The following SP3 variants were observed in gnomAD, a reference collection of about 807,000 sequenced individuals.
SP3 encodes transcription factor Sp3.
In SP3, 10 loss-of-function variants were observed where a neutral mutation model predicts 70.3. That is an observed-to-expected ratio of 0.14 (90% confidence interval 0.09 to 0.24). The LOEUF (loss-of-function observed/expected upper bound fraction) is 0.24, where lower values mean the gene tolerates loss of function less well. Among genes scored for constraint, SP3 ranks in the 10% least tolerant of loss-of-function variants. SP3 has a pLI of 1.00. For synonymous variants in SP3, 402 were observed against 333.5 expected (o/e 1.21, Z -2.24); for missense variants, 825 against 914.6 (o/e 0.90, Z 1.26).
intron 4 of SP3, among the ~76,000 whole-genome samples, chr2:173,949,358 T>A (rs73028270): frequency 0.034 from 4,884 of 143,316 alleles, 135 homozygotes; most frequent in Admixed American, 0.11. Flanking sequence ...TATTTTACCC[T>A]CAAAAAGGAA....
At chr2:173,956,441 T>C (rs1253296841) in intron 3 of SP3, among the ~76,000 whole-genome samples, 1 of 152,158 alleles carries the variant, frequency 6.6e-6, no homozygotes, top group Non-Finnish European at 1.5e-5. Flanking sequence ...CCTATTTGAG[T>C]GGGATAAAAA....
chr2:173,961,551 C>A (rs544941002), intron 3 of SP3, among the ~76,000 whole-genome samples: 1 of 152,290 alleles, frequency 6.6e-6, no homozygotes, highest in Admixed American at 6.5e-5. Context: ...ATGTTCATGT[C>A]TTAATTTGGA....
At chr2:173,950,499 C>G (rs960779378) in intron 4 of SP3, among the ~76,000 whole-genome samples, 2 of 151,954 alleles carry the variant, frequency 1.3e-5, no homozygotes, top group Admixed American at 1.3e-4. Flanking sequence ...GGCAACATAG[C>G]AAGATGCCAT....
chr2:173,932,454 G>C (rs1002353978), intron 4 of SP3, among the ~76,000 whole-genome samples: 1 of 152,024 alleles, frequency 6.6e-6, no homozygotes, highest in Admixed American at 6.6e-5. Context: ...GCCTCCCAAA[G>C]TGCTGGGATT....
upstream of SP3, chr2:173,965,466 G>C (rs1480809220): frequency 2.7e-6 from 1 of 368,124 alleles, no homozygotes; most frequent in Non-Finnish European, 4.9e-6. Flanking sequence ...CCTGTCCGTC[G>C]GTCTGCCAGG....
chr2:173,932,638 C>T (rs148304315), intron 4 of SP3, among the ~76,000 whole-genome samples: 1 of 152,064 alleles, frequency 6.6e-6, no homozygotes, highest in Non-Finnish European at 1.5e-5. Flanking sequence ...CTGTTGTGCC[C>T]CAAGACAATT....
chr2:173,950,644 G>A (rs573669424), intron 4 of SP3, among the ~76,000 whole-genome samples: 70 of 147,002 alleles, frequency 4.8e-4, no homozygotes, highest in African/African-American at 1.7e-3. Context: ...CTAGAAAACA[G>A]AGACCCTGTC....
chr2:173,923,616 T>C (rs1335483586), intron 4 of SP3, among the ~76,000 whole-genome samples: 1 of 152,138 alleles, frequency 6.6e-6, no homozygotes, highest in Non-Finnish European at 1.5e-5. Flanking sequence ...TAGATAAATA[T>C]GAATTACAGT....
intron 4 of SP3, among the ~76,000 whole-genome samples, chr2:173,941,836 T>C (rs991340639): frequency 2.6e-5 from 4 of 152,236 alleles, no homozygotes; most frequent in Non-Finnish European, 4.4e-5. Flanking sequence ...ATTTTACAAA[T>C]CTGCAGTGTC....
At chr2:173,915,203 T>C (rs578002092) in intron 5 of SP3, 2 of 152,238 alleles carry the variant, frequency 1.3e-5, no homozygotes, top group Non-Finnish European at 2.9e-5. Context: ...ATAAGAAATA[T>C]TATTTGAAAA....
Position 173,955,891 on chromosome 2 carries a change from A to G in SP3, c.621T>C (p.Ile207=). ...INQESSQIQI[I]PGSNQTLLAS... is the part of the protein sequence containing the mutation. ...CAAGTAAGGTTTGATTAGAGCCAGGAATGATCTGAATTTGACTGCTTTCTT... is the reference window on the plus strand; with the variant it reads ...CAAGTAAGGTTTGATTAGAGCCAGGGATGATCTGAATTTGACTGCTTTCTT... Residue 207 remains isoleucine (I), a synonymous_variant, in exon 4 of 7, where the codon ATT becomes ATC. Transcript: ENST00000310015. 1 of 1,614,200 alleles carries G rather than the reference A, an allele frequency of 6.2e-7. No homozygotes were observed. Among genetic ancestry groups the G allele is most frequent in the South Asian group, 1.1e-5 (1 of 91,090 alleles).
At chr2:173,946,121 G>C (rs575592211) in intron 4 of SP3, among the ~76,000 whole-genome samples, 1 of 151,532 alleles carries the variant, frequency 6.6e-6, no homozygotes, top group South Asian at 2.1e-4. Flanking sequence ...AGCAAGATAC[G>C]GTCTCAAAAA....
At position 173,907,062 on chromosome 2, in the gene SP3, T is replaced by G. The variant is rs1012480416; in HGVS notation, c.*2879A>C. On this transcript the variant is annotated 3_prime_UTR_variant, in exon 7 of 7. Coordinates refer to ENST00000310015, the MANE Select transcript of SP3 (RefSeq NM_003111.5). ...CTTTCTGCGGTAGGTGTAGCTCCTT[T>G]AAAAGGTTATGTGCTTTTTGGTTGA... 1 of 152,202 alleles carries G rather than the reference T, an allele frequency of 6.6e-6. No individual in the cohort carries two copies. The highest frequency in any genetic ancestry group is 2.4e-5 in the African/African-American group (1 of 41,456). The allele number at this position is 152,202 out of a possible 1,614,324, so 9.4% of individuals were successfully genotyped here. A position where few individuals can be genotyped will look rare whatever the true frequency, so the allele number is the denominator to read the frequency against.
At chr2:173,961,455 C>A (rs909063258) in intron 3 of SP3, among the ~76,000 whole-genome samples, 2 of 152,150 alleles carry the variant, frequency 1.3e-5, no homozygotes, top group Admixed American at 6.5e-5. Context: ...AATGTGGAAT[C>A]CTGGACTGGA....
At chr2:173,947,956 C>T (rs1181300945) in intron 4 of SP3, among the ~76,000 whole-genome samples, 2 of 152,286 alleles carry the variant, frequency 1.3e-5, no homozygotes, top group East Asian at 3.9e-4. Flanking sequence ...TAAGACTGTG[C>T]TGATGTCCTC....
chr2:173,943,335 G>A (rs970944276), intron 4 of SP3, among the ~76,000 whole-genome samples: 1 of 151,996 alleles, frequency 6.6e-6, no homozygotes, highest in Non-Finnish European at 1.5e-5. Context: ...CCCTCTTCCT[G>A]GAATACTCTT....
chr2:173,946,487 T>C (rs1021913890), intron 4 of SP3, among the ~76,000 whole-genome samples: 2 of 152,132 alleles, frequency 1.3e-5, no homozygotes, highest in Non-Finnish European at 2.9e-5. Flanking sequence ...ATTACTGTTA[T>C]TTCCTCATTT....
At chr2:173,958,270 G>GT (rs5836443) in intron 3 of SP3, among the ~76,000 whole-genome samples, 1,887 of 137,868 alleles carry the variant, frequency 0.014, 14 homozygotes, top group African/African-American at 0.022. Context: ...CACCTAAAGT[G>GT]TTTTTTTTTT....
chr2:173,956,933 T>C (rs1027918091), intron 3 of SP3, among the ~76,000 whole-genome samples: 8 of 152,196 alleles, frequency 5.3e-5, no homozygotes, highest in African/African-American at 1.9e-4. Flanking sequence ...GTCTGGCATA[T>C]ACCTTTTGTA....
Sources: allele counts gnomAD v4.1 joint callset (sites outside exome capture counted in the v4.1 genomes callset), GRCh38; gene constraint gnomAD v4.1.1; transcripts MANE v1.5; gene names NCBI Gene and HGNC (gene_info 2026-07-23, HGNC 2026-07-21).